Variants in SPAG1 observed in about 807,000 individuals in gnomAD.
The protein encoded by SPAG1 is sperm associated antigen 1.
In SPAG1, 69 loss-of-function variants were observed where a neutral mutation model predicts 100.5. That is an observed-to-expected ratio of 0.69 (90% confidence interval 0.57 to 0.84). The LOEUF (loss-of-function observed/expected upper bound fraction) is 0.84, where lower values mean the gene tolerates loss of function less well. Ranked by LOEUF, SPAG1 falls within the 40% of genes least tolerant of loss-of-function variation. The probability of loss-of-function intolerance (pLI) is 0.00; values close to 1 mark genes in which losing one functional copy is unlikely to be tolerated. For synonymous variants in SPAG1, 336 were observed against 411.6 expected (o/e 0.82, Z 2.22); for missense variants, 955 against 1,133.1 (o/e 0.84, Z 2.26).
chr8:100,214,670 A>G (rs982576057), intron 12 of SPAG1, among the ~76,000 whole-genome samples: 1 of 152,050 alleles, frequency 6.6e-6, no homozygotes, highest in African/African-American at 2.4e-5. Flanking sequence ...ATGCTTCGAT[A>G]TATATGATGT....
chr8:100,205,600 G>A (rs1382339073), intron 10 of SPAG1, among the ~76,000 whole-genome samples: 3 of 152,084 alleles, frequency 2.0e-5, no homozygotes, highest in African/African-American at 7.2e-5. Flanking sequence ...CTGTTATGGT[G>A]GGAAAGGCCA....
chr8:100,164,687 AGT>A (rs1815471395), intron 2 of SPAG1, among the ~76,000 whole-genome samples: 1 of 152,206 alleles, frequency 6.6e-6, no homozygotes. Flanking sequence ...GGCCTCCCAA[AGT>A]GCTGGGAATA....
intron 10 of SPAG1, chr8:100,194,511 T>TTAAATGTAAATG: frequency 1.7e-6 from 1 of 589,184 alleles, no homozygotes; most frequent in Non-Finnish European, 3.0e-6. Flanking sequence ...GTCATCACCT[T>TTAAATGTAAATG]TAAATGTAAA....
At chr8:100,174,539 T>C (rs767397780) in intron 3 of SPAG1, among the ~76,000 whole-genome samples, 3 of 152,214 alleles carry the variant, frequency 2.0e-5, no homozygotes. Context: ...CTTTTGCTTT[T>C]TCATTTCCCT....
intron 14 of SPAG1, 65 bp from the exon 15 acceptor site, chr8:100,231,091 G>C: frequency 7.0e-7 from 1 of 1,419,340 alleles, no homozygotes; most frequent in Non-Finnish European, 9.5e-7. Flanking sequence ...ACTTATAGTT[G>C]TACTTAAGAT....
At position 100,177,801 on chromosome 8, in the gene SPAG1, TTTCTC is replaced by T; in HGVS notation, c.301-13_301-9del. 3 of 1,412,278 alleles carry T rather than the reference TTTCTC, an allele frequency of 2.1e-6. No homozygotes were observed. Among genetic ancestry groups the T allele is most frequent in the East Asian group, 2.3e-5 (1 of 43,542 alleles). The allele number at this position is 1,412,278 out of a possible 1,614,324, so 87.5% of individuals were successfully genotyped here. On this transcript the variant is annotated splice_polypyrimidine_tract_variant and intron_variant, in intron 3 of 18. Coordinates refer to ENST00000388798, the MANE Select transcript of SPAG1 (RefSeq NM_003114.5). Reference sequence around the variant, plus strand: ...TTATTTCAAACTATATATTTACCCTTTTCTCTATTCTCAGAGTTGGGTATCAGAAA... The same window carrying T: ...TTATTTCAAACTATATATTTACCCTTTATTCTCAGAGTTGGGTATCAGAAA...
At chr8:100,159,929 A>C (rs948655760) in intron 1 of SPAG1, among the ~76,000 whole-genome samples, 28 of 152,214 alleles carry the variant, frequency 1.8e-4, no homozygotes, top group African/African-American at 5.8e-4. Context: ...ATCCTTTATG[A>C]GAGAGGTTTT....
intron 10 of SPAG1, among the ~76,000 whole-genome samples, chr8:100,197,715 C>G (rs1484865293): frequency 6.6e-6 from 1 of 152,176 alleles, no homozygotes; most frequent in East Asian, 1.9e-4. Flanking sequence ...GTTTTTTAAC[C>G]TTGTCTGGTA....
At position 100,194,117 on chromosome 8, in the gene SPAG1, C is replaced by T; in HGVS notation, c.945C>T (p.Thr315=). 6.6e-7 allele frequency: 1 copy of T among 1,514,828 alleles called. No homozygotes were observed. Among genetic ancestry groups the T allele is most frequent in the Non-Finnish European group, 8.9e-7 (1 of 1,122,544 alleles). 93.8% of individuals were successfully genotyped at this position (1,514,828 alleles called of 1,614,324 possible). A position where few individuals can be genotyped will look rare whatever the true frequency, so the allele number is the denominator to read the frequency against. ...ATATGGTAATTATGTTGCAGAAAAC[C>T]TTGTCAGAGGTTGAAAGAGATCTGA... ...VEPDNDLAKK[T]LSEVERDLKN... Residue 315 remains threonine (T), a synonymous_variant, in exon 10 of 19, where the codon ACC becomes ACT. Transcript: ENST00000388798.
chr8:100,171,649 C>T (rs1815857572), intron 3 of SPAG1, among the ~76,000 whole-genome samples: 1 of 152,186 alleles, frequency 6.6e-6, no homozygotes, highest in Admixed American at 6.5e-5. Context: ...CTGAATTCAG[C>T]AAGACCACAG....
rs150019795 is a variant in SPAG1 at position 100,187,290 on chromosome 8, A to C, written c.832+40A>C. The C allele has an allele frequency of 3.5e-4, 527 of 1,524,802 alleles. 1 individual carries two copies. The African/African-American group carries it at 6.5e-3, about 19-fold the overall frequency. 94.5% of individuals were successfully genotyped at this position (1,524,802 alleles called of 1,614,324 possible). A position where few individuals can be genotyped will look rare whatever the true frequency, so the allele number is the denominator to read the frequency against. The stretch of plus-strand genomic sequence containing the variant: ...AGAATTCTTTTACATTTACAGCAGG[A>C]TCCATTAATAAAGACCATTTGTAGA... On this transcript the variant is annotated intron_variant, in intron 8 of 18. Coordinates refer to ENST00000388798, the MANE Select transcript of SPAG1 (RefSeq NM_003114.5).
At chr8:100,229,295 C>T (rs1268639681) in intron 14 of SPAG1, among the ~76,000 whole-genome samples, 5 of 152,146 alleles carry the variant, frequency 3.3e-5, no homozygotes, top group African/African-American at 1.2e-4. Flanking sequence ...TGGTGGGTGC[C>T]TATAGTCCCA....
intron 4 of SPAG1, among the ~76,000 whole-genome samples, 157 bp downstream of exon 4, chr8:100,178,098 A>G (rs1221449592): frequency 6.6e-6 from 1 of 152,216 alleles, no homozygotes; most frequent in African/African-American, 2.4e-5. Flanking sequence ...GCTGGGAACT[A>G]TCACGTTCTT....
intron 3 of SPAG1, 73 bp from the exon 4 acceptor site, chr8:100,177,743 T>C: frequency 1.1e-6 from 1 of 891,118 alleles, no homozygotes; most frequent in Non-Finnish European, 1.7e-6. Flanking sequence ...TGTTCAAGGG[T>C]CAACTATAGT....
At position 100,213,792 on chromosome 8, in the gene SPAG1, CTG is replaced by C. The variant is rs746291483; in HGVS notation, c.1436-25_1436-24del. 2.5e-5 allele frequency: 34 copies of C among 1,357,146 alleles called. No individual in the cohort carries two copies. The African/African-American group carries it at 4.5e-4, about 18-fold the overall frequency. 84.1% of individuals were successfully genotyped at this position (1,357,146 alleles called of 1,614,324 possible). Reference sequence around the variant, plus strand: ...CTGTGATCTTGCTAATGGATTTTAACTGTATTTAATTAAATGTGATTTTTAGG... The same window carrying C: ...CTGTGATCTTGCTAATGGATTTTAACTATTTAATTAAATGTGATTTTTAGG... On this transcript the variant is annotated intron_variant, in intron 11 of 18. Coordinates refer to ENST00000388798, the MANE Select transcript of SPAG1 (RefSeq NM_003114.5).
chr8:100,174,379 C>T (rs1816013755), intron 3 of SPAG1, among the ~76,000 whole-genome samples: 1 of 152,074 alleles, frequency 6.6e-6, no homozygotes, highest in Non-Finnish European at 1.5e-5. Flanking sequence ...GTCATCATCA[C>T]ATTAAATAGG....
chr8:100,191,632 C>A, intron 9 of SPAG1, 136 bp downstream of exon 9: 1 of 564,336 alleles, frequency 1.8e-6, no homozygotes, highest in Non-Finnish European at 3.1e-6. Flanking sequence ...ATATTCCAGA[C>A]ACCCCAAAAC....
At chr8:100,224,592 TG>T (rs1292946643) in intron 13 of SPAG1, among the ~76,000 whole-genome samples, 4 of 151,920 alleles carry the variant, frequency 2.6e-5, no homozygotes, top group Non-Finnish European at 5.9e-5. Flanking sequence ...ATTATAGAGA[TG>T]AAAAAAATAC....
rs1816513736 is a variant in SPAG1 at position 100,184,712 on chromosome 8, A to G, written c.680A>G (p.Glu227Gly). ...NEAFNSGDYE[E>G]AVMYYTRSIS... ...GCTTTCAACTCAGGAGATTATGAAG[A>G]AGCAGTGATGTATTATACCAGGTGA... is the stretch of plus-strand genomic sequence containing the variant. The change falls in exon 7 of 19, where the codon GAA becomes GGA. Residue 227 changes from glutamate (E) to glycine (G), a missense_variant. Coordinates refer to ENST00000388798, the MANE Select transcript of SPAG1 (RefSeq NM_003114.5). 2 of 1,586,636 alleles carry G rather than the reference A, an allele frequency of 1.3e-6. No individual in the cohort carries two copies. Among genetic ancestry groups the G allele is most frequent in the Non-Finnish European group, 1.7e-6 (2 of 1,170,230 alleles).
Sources: allele counts gnomAD v4.1 joint callset (sites outside exome capture counted in the v4.1 genomes callset), GRCh38; gene constraint gnomAD v4.1.1; transcripts MANE v1.5; gene names NCBI Gene and HGNC (gene_info 2026-07-23, HGNC 2026-07-21).